Variants in THOC7 observed in about 807,000 individuals in gnomAD.
THOC7 encodes the protein THO complex subunit 7.
Under a neutral mutation model 33.1 loss-of-function variants are expected in THOC7, and 22 were observed. That is an observed-to-expected ratio of 0.66 (90% CI 0.47 to 0.95). The LOEUF is 0.95. Among genes scored for constraint, THOC7 ranks in the 40% least tolerant of loss-of-function variants. THOC7 has a pLI of 0.00. For missense variants in THOC7, 184 were observed against 245.3 expected (o/e 0.75, Z 1.67); for synonymous variants, 77 against 76.8 (o/e 1.00, Z -0.01).
In THOC7 at chr3:63,833,878, A is replaced by G. The variant is rs1463452607; in HGVS notation, c.*254T>C. On this transcript the variant is annotated 3_prime_UTR_variant, in exon 8 of 8. Transcript: ENST00000295899. ...TAATGAGCACAAACATATGCAGCTT[A>G]AAAGCATTTTATTAAGCATTTTTGG... is the stretch of plus-strand genomic sequence containing the variant. The G allele has an allele frequency of 2.5e-5, 10 of 396,758 alleles. No homozygotes were observed. Among genetic ancestry groups the G allele is most frequent in the East Asian group, 4.4e-5 (1 of 22,822 alleles). 24.6% of individuals were successfully genotyped at this position (396,758 alleles called of 1,614,324 possible). A position where few individuals can be genotyped will look rare whatever the true frequency, so the allele number is the denominator to read the frequency against.
chr3:63,853,894 C>T (rs1388047444), intron 1 of THOC7, among the ~76,000 whole-genome samples: 2 of 145,602 alleles, frequency 1.4e-5, no homozygotes, highest in African/African-American at 2.6e-5. Context: ...GGTGACAAAG[C>T]GAGACTCCGT....
chr3:63,844,734 G>T (rs1701849811), intron 1 of THOC7, among the ~76,000 whole-genome samples: 1 of 152,244 alleles, frequency 6.6e-6, no homozygotes, highest in African/African-American at 2.4e-5. Context: ...GATACCTTTT[G>T]CCATGTTATG....
chr3:63,864,288 C>G (rs1702333727), upstream of THOC7, among the ~76,000 whole-genome samples: 1 of 151,328 alleles, frequency 6.6e-6, no homozygotes, highest in Non-Finnish European at 1.5e-5. Context: ...GGTGACGCTG[C>G]TAGGGGTGGG....
At chr3:63,846,081 G>A (rs1010585840) in intron 1 of THOC7, 2 of 296,104 alleles carry the variant, frequency 6.8e-6, no homozygotes, top group South Asian at 2.7e-5. Flanking sequence ...ATGAAAAGCT[G>A]GAAATGGAAG....
intron 4 of THOC7, among the ~76,000 whole-genome samples, chr3:63,837,564 T>C (rs1419109122): frequency 6.6e-6 from 1 of 152,016 alleles, no homozygotes; most frequent in Non-Finnish European, 1.5e-5. Flanking sequence ...TAAATTCTTT[T>C]CCATTTCATT....
intron 1 of THOC7, among the ~76,000 whole-genome samples, chr3:63,862,702 TAAG>T (rs1702254875): frequency 6.6e-6 from 1 of 152,086 alleles, no homozygotes; most frequent in East Asian, 1.9e-4. Flanking sequence ...CTTCAACTCT[TAAG>T]AAGTGGCCTC....
chr3:63,858,115 C>T lies in THOC7; in HGVS notation c.19+5657G>A, dbSNP rs762342924. On this transcript the variant is annotated intron_variant, in intron 1 of 7. Coordinates refer to ENST00000295899, the MANE Select transcript of THOC7 (RefSeq NM_025075.4). ...ATAACAGCAGCAGCAAACACTTGCA[C>T]AGCATTTATACCACCCTAGTTGGTG... 5.8e-4 allele frequency among the ~76,000 whole-genome samples: 89 copies of T among 152,186 alleles called. 3 individuals are homozygous for T. Among genetic ancestry groups the T allele is most frequent in the Non-Finnish European group, 3.4e-4 (23 of 68,030 alleles).
At chr3:63,839,192 A>C (rs181783019) in intron 2 of THOC7, among the ~76,000 whole-genome samples, 21 of 151,620 alleles carry the variant, frequency 1.4e-4, no homozygotes, top group South Asian at 4.2e-4. Flanking sequence ...TCTGTCTCAC[A>C]AAAAAAAAGA....
chr3:63,835,942 AAATAT>A (rs1701624266), intron 5 of THOC7, among the ~76,000 whole-genome samples: 2 of 152,036 alleles, frequency 1.3e-5, no homozygotes, highest in South Asian at 4.1e-4. Context: ...TCAGGAATTT[AAATAT>A]AATTTAAAGT....
At chr3:63,851,432 T>TG (rs1325743454) in intron 1 of THOC7, among the ~76,000 whole-genome samples, 1 of 152,222 alleles carries the variant, frequency 6.6e-6, no homozygotes, top group African/African-American at 2.4e-5. Context: ...TCTTGTACTA[T>TG]GTCCCAATGG....
At chr3:63,841,738 G>C (rs1701765650) in intron 1 of THOC7, among the ~76,000 whole-genome samples, 1 of 152,160 alleles carries the variant, frequency 6.6e-6, no homozygotes, top group African/African-American at 2.4e-5. Context: ...TATCTGAAGA[G>C]ACTGAGACAA....
chr3:63,863,320 C>T, intron 1 of THOC7: 2 of 525,806 alleles, frequency 3.8e-6, no homozygotes, highest in Non-Finnish European at 4.9e-6. Flanking sequence ...CCCAGACCTC[C>T]ACAAACCTTC....
At position 63,863,797 on chromosome 3, in the gene THOC7, CGCGGCG is replaced by C. The variant is rs546741642; in HGVS notation, c.-13_-8del. The C allele has an allele frequency of 8.6e-5, 107 of 1,245,572 alleles. No individual in the cohort carries two copies. The highest frequency in any genetic ancestry group is 3.2e-4 in the East Asian group (10 of 31,342). 77.2% of individuals were successfully genotyped at this position (1,245,572 alleles called of 1,614,324 possible). A position where few individuals can be genotyped will look rare whatever the true frequency, so the allele number is the denominator to read the frequency against. Reference sequence around the variant, plus strand: ...CGTCAGTCACGGCTCCCATGGCGTGCGCGGCGGCGGCGGCGGCGGCGGCGGCGCAAG... The same window carrying C: ...CGTCAGTCACGGCTCCCATGGCGTGCGCGGCGGCGGCGGCGGCGGCGCAAG... On this transcript the variant is annotated 5_prime_UTR_variant, in exon 1 of 8. Coordinates refer to ENST00000295899, the MANE Select transcript of THOC7 (RefSeq NM_025075.4).
chr3:63,851,594 T>A (rs1702020577), intron 1 of THOC7, among the ~76,000 whole-genome samples: 1 of 152,348 alleles, frequency 6.6e-6, no homozygotes, highest in Middle Eastern at 3.4e-3. Flanking sequence ...GGTATAATAA[T>A]GAAGTTCCTT....
chr3:63,850,800 G>A (rs576934157), intron 1 of THOC7, among the ~76,000 whole-genome samples: 37 of 151,738 alleles, frequency 2.4e-4, no homozygotes, highest in African/African-American at 8.7e-4. Context: ...TGGTTAGGCT[G>A]GTCTCAAAAA....
At chr3:63,836,251 G>T in intron 5 of THOC7, 50 bp downstream of exon 5, 2 of 1,555,088 alleles carry the variant, frequency 1.3e-6, no homozygotes, top group Non-Finnish European at 1.7e-6. Context: ...TAGTTTTCGA[G>T]CATTTATGTA....
chr3:63,863,610 G>A (rs1398985595), intron 1 of THOC7, 162 bp downstream of exon 1: 14 of 1,195,554 alleles, frequency 1.2e-5, no homozygotes, highest in African/African-American at 3.2e-5. Flanking sequence ...AAGCAGCCGG[G>A]GAGGCCCGGG....
At chr3:63,836,124 G>T (rs1414253358) in intron 5 of THOC7, among the ~76,000 whole-genome samples, 177 bp downstream of exon 5, 1 of 151,944 alleles carries the variant, frequency 6.6e-6, no homozygotes, top group Non-Finnish European at 1.5e-5. Context: ...TAGACATATA[G>T]CTGGTAAGGT....
intron 7 of THOC7, 52 bp from the exon 8 acceptor site, chr3:63,834,251 T>C (rs1425961606): frequency 1.9e-6 from 3 of 1,560,270 alleles, no homozygotes. Context: ...CTATATTTTA[T>C]ATTCGATGAA....
Sources: gnomAD v4.1 joint callset for allele counts (sites outside exome capture counted in the v4.1 genomes callset) on GRCh38, gnomAD v4.1.1 for gene constraint, MANE v1.5 for transcripts, NCBI Gene and HGNC (gene_info 2026-07-23, HGNC 2026-07-21) for gene names.